KLHL29: variants seen among roughly 807,000 people sequenced by gnomAD.
The protein encoded by KLHL29 is kelch like family member 29.
Under a neutral mutation model 80.4 loss-of-function variants are expected in KLHL29, and 21 were observed. That is an observed-to-expected ratio of 0.26 (90% CI 0.19 to 0.38). KLHL29 has a LOEUF of 0.38. KLHL29 is among the 10% of genes least tolerant of loss of function. The probability of loss-of-function intolerance (pLI) is 1.00; values close to 1 mark genes in which losing one functional copy is unlikely to be tolerated. For missense variants in KLHL29, 867 were observed against 1,223.9 expected (o/e 0.71, Z 4.35); for synonymous variants, 511 against 526.8 (o/e 0.97, Z 0.41).
intron 1 of KLHL29, among the ~76,000 whole-genome samples, chr2:23,420,613 A>G (rs1256300236): frequency 2.0e-5 from 3 of 152,176 alleles, no homozygotes; most frequent in Non-Finnish European, 4.4e-5. Context: ...AAGAAATTCC[A>G]AAGGCAGAGA....
chr2:23,544,925 A>C (rs1709333), intron 2 of KLHL29, among the ~76,000 whole-genome samples: 77,224 of 152,038 alleles, frequency 0.51, 22,495 homozygotes, highest in East Asian at 0.91. Flanking sequence ...GCTTTTTCTT[A>C]GGGTAGGATG....
At chr2:23,637,392 C>T (rs1387319930) in intron 3 of KLHL29, among the ~76,000 whole-genome samples, 2 of 152,172 alleles carry the variant, frequency 1.3e-5, no homozygotes, top group Admixed American at 6.5e-5. Context: ...GTCCCCAACC[C>T]CCTCTCCTCC....
In KLHL29 at chr2:23,570,707, CT is replaced by C. The variant is rs531004580; in HGVS notation, c.285+8227del. Among the ~76,000 whole-genome samples, 128 of 152,348 alleles carry C rather than the reference CT, an allele frequency of 8.4e-4. 2 individuals carry two copies. In the South Asian group the frequency reaches 0.026, roughly 31 times the overall value. ...GGTGGAGACTCAAAACCCACCTGGG[CT>C]CCCCTTGTCTAAGACAGTCGGCTAG... On this transcript the variant is annotated intron_variant, in intron 3 of 13. Transcript: ENST00000486442.
chr2:23,694,465 T>C (rs1216156923), intron 8 of KLHL29, among the ~76,000 whole-genome samples: 1 of 152,186 alleles, frequency 6.6e-6, no homozygotes, highest in Non-Finnish European at 1.5e-5. Flanking sequence ...CCCTCCAGCC[T>C]GAGCGGTCTC....
intron 6 of KLHL29, chr2:23,689,921 T>A (rs1477577045): frequency 6.6e-6 from 1 of 152,288 alleles, no homozygotes; most frequent in African/African-American, 2.4e-5. Flanking sequence ...TAGAAGTCAC[T>A]CTGTGTTGGG....
rs183642659 is a variant in KLHL29 at position 23,423,318 on chromosome 2, G to A, written c.-154+37538G>A. On this transcript the variant is annotated intron_variant, in intron 1 of 13. Transcript: ENST00000486442. ...GGTCAGCCTGGCCGACTGACCTCCC[G>A]GGCCTGACCTCCCCAGGCCGTGCCT... Among the ~76,000 whole-genome samples, 265 of 152,222 alleles carry A rather than the reference G, an allele frequency of 1.7e-3. 3 individuals carry two copies. The highest frequency in any genetic ancestry group is 3.5e-3 in the Middle Eastern group (1 of 286).
intron 2 of KLHL29, among the ~76,000 whole-genome samples, chr2:23,537,239 C>T (rs555496089): frequency 6.6e-5 from 10 of 152,264 alleles, no homozygotes; most frequent in African/African-American, 9.6e-5. Flanking sequence ...GCAGTGCTGC[C>T]GCTTCTGTGC....
intron 3 of KLHL29, among the ~76,000 whole-genome samples, chr2:23,599,831 G>A (rs1364268643): frequency 2.0e-5 from 3 of 152,158 alleles, no homozygotes; most frequent in East Asian, 1.9e-4. Flanking sequence ...CCGACGCCAC[G>A]TCCCTCCTCC....
intron 2 of KLHL29, among the ~76,000 whole-genome samples, chr2:23,549,060 G>A (rs1211223210): frequency 6.6e-6 from 1 of 152,196 alleles, no homozygotes; most frequent in Non-Finnish European, 1.5e-5. Flanking sequence ...GGGAGTTAGG[G>A]AACAGCCTCT....
At chr2:23,588,030 C>G (rs866719959) in intron 3 of KLHL29, among the ~76,000 whole-genome samples, 2 of 152,188 alleles carry the variant, frequency 1.3e-5, no homozygotes, top group African/African-American at 4.8e-5. Context: ...TCCTCAGATC[C>G]CATCCACGGC....
chr2:23,556,067 C>G (rs1005534104), intron 2 of KLHL29, among the ~76,000 whole-genome samples: 1 of 152,240 alleles, frequency 6.6e-6, no homozygotes, highest in Admixed American at 6.5e-5. Context: ...GTGACGTGTT[C>G]CCTCCCTTGT....
At chr2:23,580,926 C>G (rs1258890828) in intron 3 of KLHL29, among the ~76,000 whole-genome samples, 1 of 151,768 alleles carries the variant, frequency 6.6e-6, no homozygotes, top group African/African-American at 2.4e-5. Flanking sequence ...TGCAGTGAGC[C>G]GAGATCACGC....
chr2:23,432,856 T>C (rs1306067470), intron 1 of KLHL29, among the ~76,000 whole-genome samples: 1 of 152,168 alleles, frequency 6.6e-6, no homozygotes, highest in Non-Finnish European at 1.5e-5. Context: ...CAGGTTTCCA[T>C]TGGCTGCAGC....
intron 1 of KLHL29, among the ~76,000 whole-genome samples, chr2:23,394,075 T>A (rs1444690589): frequency 1.3e-5 from 2 of 152,238 alleles, no homozygotes; most frequent in African/African-American, 4.8e-5. Context: ...CGCCAAAGGC[T>A]TAGATCAAAT....
chr2:23,632,555 C>G (rs1053053943), intron 3 of KLHL29, among the ~76,000 whole-genome samples: 7 of 152,372 alleles, frequency 4.6e-5, no homozygotes, highest in African/African-American at 1.2e-4. Context: ...GTGATGCCCC[C>G]CTCCTGGAGC....
intron 6 of KLHL29, chr2:23,690,978 C>G (rs1047873103): frequency 6.5e-6 from 1 of 153,494 alleles, no homozygotes; most frequent in East Asian, 1.9e-4. Flanking sequence ...CCGGGCCAGG[C>G]CCCAGGTCAT....
At chr2:23,497,864 A>G (rs1665315895) in intron 2 of KLHL29, among the ~76,000 whole-genome samples, 1 of 152,198 alleles carries the variant, frequency 6.6e-6, no homozygotes, top group Non-Finnish European at 1.5e-5. Flanking sequence ...TCTGAAAGAC[A>G]GCCTGTATTA....
chr2:23,544,503 G>C (rs1666932872), intron 2 of KLHL29, among the ~76,000 whole-genome samples: 1 of 152,184 alleles, frequency 6.6e-6, no homozygotes. Context: ...TAGATTAAAT[G>C]AGTCTGTGTT....
At chr2:23,590,982 G>A (rs969104364) in intron 3 of KLHL29, among the ~76,000 whole-genome samples, 2 of 152,180 alleles carry the variant, frequency 1.3e-5, no homozygotes, top group African/African-American at 2.4e-5. Flanking sequence ...AAATAAGTCA[G>A]GAAATCTCAG....
Sources: allele counts gnomAD v4.1 joint callset (sites outside exome capture counted in the v4.1 genomes callset), GRCh38; gene constraint gnomAD v4.1.1; transcripts MANE v1.5; gene names NCBI Gene and HGNC (gene_info 2026-07-23, HGNC 2026-07-21).